CRMP1: variants seen among roughly 807,000 people sequenced by gnomAD.
CRMP1 encodes the protein dihydropyrimidinase-related protein 1.
Under a neutral mutation model 68.3 loss-of-function variants are expected in CRMP1, and 19 were observed. That is an observed-to-expected ratio of 0.28 (90% CI 0.19 to 0.41). CRMP1 has a LOEUF of 0.41. Among genes scored for constraint, CRMP1 ranks in the 10% least tolerant of loss-of-function variants. The pLI is 1.00. For synonymous variants in CRMP1, 439 were observed against 399.6 expected, an observed-to-expected ratio of 1.10 and a Z score of -1.18; for missense variants, 791 against 967.4, an observed-to-expected ratio of 0.82 and a Z score of 2.42.
At chr4:5,847,388 G>C (rs963070085) in intron 6 of CRMP1, among the ~76,000 whole-genome samples, 4 of 152,138 alleles carry the variant, frequency 2.6e-5, no homozygotes, top group African/African-American at 9.7e-5. Flanking sequence ...GCATGGGAGA[G>C]GAACATCAAT....
intron 2 of CRMP1, among the ~76,000 whole-genome samples, chr4:5,864,192 AG>A (rs1415106963): frequency 6.6e-6 from 1 of 152,092 alleles, no homozygotes; most frequent in Non-Finnish European, 1.5e-5. Flanking sequence ...GAGCTCTATA[AG>A]GGGGCCTGGC....
At chr4:5,851,774 G>A (rs1304007364) in intron 4 of CRMP1, among the ~76,000 whole-genome samples, 1 of 150,754 alleles carries the variant, frequency 6.6e-6, no homozygotes, top group African/African-American at 2.4e-5. Context: ...ATGAAGAGGA[G>A]GAGAAAGAGG....
At position 5,890,996 on chromosome 4, in the gene CRMP1, T is replaced by C. The variant is rs1316569667; in HGVS notation, c.381+1593A>G. Among the ~76,000 whole-genome samples the C allele has an allele frequency of 6.6e-6, 1 of 151,974 alleles. No individual in the cohort carries two copies. The highest frequency in any genetic ancestry group is 1.5e-5 in the Non-Finnish European group (1 of 68,000). ...GGAAACCCGGATTCCCTGGTGCTGG[T>C]CCCGCTTCTCGGCCCGCGGCCCAGA... is the stretch of plus-strand genomic sequence containing the variant. On this transcript the variant is annotated intron_variant, in intron 1 of 13. Transcript: ENST00000324989. This position sits in a 1 kb window ranked among gnomAD's most constrained non-coding sequence, Gnocchi z 5.5.
rs560557198 is a variant in CRMP1 at position 5,870,293 on chromosome 4, C to A, written c.382-3537G>T. Among the ~76,000 whole-genome samples, 8 of 152,312 alleles carry A rather than the reference C, an allele frequency of 5.3e-5. No individual in the cohort carries two copies. The highest frequency in any genetic ancestry group is 2.0e-4 in the Admixed American group (3 of 15,296). On this transcript the variant is annotated intron_variant, in intron 1 of 13. Transcript: ENST00000324989. The surrounding 1 kb of genome is among the most constrained non-coding windows in gnomAD (Gnocchi z 6.0). ...TACATCCCTTACCCGTTTATGTATT[C>A]ACAGTATTTACGGCACATCTGGCAG...
chr4:5,882,621 T>C (rs796942399), intron 1 of CRMP1, among the ~76,000 whole-genome samples: 9 of 152,320 alleles, frequency 5.9e-5, no homozygotes, highest in African/African-American at 1.4e-4. Flanking sequence ...ACAGATAAAA[T>C]TGATGCATAG....
intron 2 of CRMP1, among the ~76,000 whole-genome samples, chr4:5,862,475 A>G (rs1713649654): frequency 6.6e-6 from 1 of 152,204 alleles, no homozygotes; most frequent in Admixed American, 6.5e-5. Flanking sequence ...GGGCTTGCCA[A>G]GAGCTGAAGG....
At chr4:5,851,387 G>C (rs1209157125) in intron 5 of CRMP1, 21 bp downstream of exon 5, 8 of 1,610,486 alleles carry the variant, frequency 5.0e-6, no homozygotes, top group South Asian at 2.2e-5. Context: ...AGAGAGGAGA[G>C]AGTGAGTGTG....
In CRMP1 at chr4:5,842,789, G is replaced by A. The variant is rs147908136; in HGVS notation, c.1032+304C>T. ...TCCTGGGTGCTGGGCTTGGGCATGC[G>A]GCTCCACTTTCCTATTATCCACTAT... On this transcript the variant is annotated intron_variant, in intron 7 of 13. Transcript: ENST00000324989. The surrounding 1 kb of genome is among the most constrained non-coding windows in gnomAD (Gnocchi z 4.5). Among the ~76,000 whole-genome samples the A allele has an allele frequency of 3.1e-3, 476 of 152,264 alleles. 6 individuals carry two copies. Among genetic ancestry groups the A allele is most frequent in the South Asian group, 0.023 (109 of 4,816 alleles).
chr4:5,888,574 C>G lies in CRMP1; in HGVS notation c.381+4015G>C, dbSNP rs1334698929. The G allele has an allele frequency of 9.1e-6, 10 of 1,097,832 alleles. No individual in the cohort carries two copies. The highest frequency in any genetic ancestry group is 1.1e-5 in the Non-Finnish European group (10 of 902,652). The allele number at this position is 1,097,832 out of a possible 1,614,324, so 68.0% of individuals were successfully genotyped here. On this transcript the variant is annotated intron_variant, in intron 1 of 13. Transcript: ENST00000324989. This position sits in a 1 kb window ranked among gnomAD's most constrained non-coding sequence, Gnocchi z 6.4. ...CGGCGGCGCGGAGCGAAGCCGGATTCGCCCCTCTCGGCTCGAACCAGGAAG... is the reference window on the plus strand; with the variant it reads ...CGGCGGCGCGGAGCGAAGCCGGATTGGCCCCTCTCGGCTCGAACCAGGAAG...
intron 9 of CRMP1, among the ~76,000 whole-genome samples, chr4:5,837,733 G>A (rs536138121): frequency 2.1e-4 from 31 of 146,446 alleles, no homozygotes; most frequent in African/African-American, 7.4e-4. Flanking sequence ...GGTTCTAAAT[G>A]CAAGGTGAGG....
intron 1 of CRMP1, among the ~76,000 whole-genome samples, chr4:5,882,706 T>A (rs986815221): frequency 3.9e-5 from 6 of 152,326 alleles, no homozygotes; most frequent in Non-Finnish European, 7.4e-5. Flanking sequence ...TAGTCTGAGT[T>A]CAGAATCCAC....
At chr4:5,830,108 CTT>C (rs1423954280) in intron 11 of CRMP1, among the ~76,000 whole-genome samples, 2 of 152,162 alleles carry the variant, frequency 1.3e-5, no homozygotes, top group Admixed American at 6.6e-5. Context: ...GACTGGGTCT[CTT>C]TTTAAATCAA....
At chr4:5,887,793 G>T in intron 1 of CRMP1, 1 of 990,260 alleles carries the variant, frequency 1.0e-6, no homozygotes, top group Non-Finnish European at 1.2e-6. Context: ...AGCGGGGGAG[G>T]TACCGGGCTG....
In CRMP1 at chr4:5,889,903, C is replaced by G; in HGVS notation, c.381+2686G>C. On this transcript the variant is annotated intron_variant, in intron 1 of 13. Transcript: ENST00000324989. The surrounding 1 kb of genome is among the most constrained non-coding windows in gnomAD (Gnocchi z 4.5). The stretch of plus-strand genomic sequence containing the variant: ...AGAAGCCAGCTCAGTATCCCAGGAA[C>G]ACTAGGCATAATTTTCCCATTTTAC... 8.5e-6 allele frequency: 12 copies of G among 1,404,078 alleles called. No individual in the cohort carries two copies. Among genetic ancestry groups the G allele is most frequent in the Non-Finnish European group, 1.1e-5 (12 of 1,080,236 alleles). The allele number at this position is 1,404,078 out of a possible 1,614,324, so 87.0% of individuals were successfully genotyped here.
At chr4:5,832,241 T>C (rs934908978) in intron 11 of CRMP1, among the ~76,000 whole-genome samples, 2 of 152,230 alleles carry the variant, frequency 1.3e-5, no homozygotes, top group African/African-American at 4.8e-5. Context: ...CATTCTGGAA[T>C]TATGATTGTA....
In CRMP1 at chr4:5,888,551, G is replaced by C. The variant is rs1365228985; in HGVS notation, c.381+4038C>G. 4 of 1,138,732 alleles carry C rather than the reference G, an allele frequency of 3.5e-6. No homozygotes were observed. In the South Asian group the frequency reaches 1.3e-4, roughly 38 times the overall value. The allele number at this position is 1,138,732 out of a possible 1,614,324, so 70.5% of individuals were successfully genotyped here. On this transcript the variant is annotated intron_variant, in intron 1 of 13. Coordinates refer to ENST00000324989, the MANE Select transcript of CRMP1 (RefSeq NM_001014809.3). The surrounding 1 kb of genome is among the most constrained non-coding windows in gnomAD (Gnocchi z 6.4). ...AGGGGGCTGCAGACAGCTCCTCCCGGCGGCGCGGAGCGAAGCCGGATTCGC... is the reference window on the plus strand; with the variant it reads ...AGGGGGCTGCAGACAGCTCCTCCCGCCGGCGCGGAGCGAAGCCGGATTCGC...
At chr4:5,836,727 T>G (rs1320322221) in intron 10 of CRMP1, 38 bp downstream of exon 10, 3 of 1,613,586 alleles carry the variant, frequency 1.9e-6, no homozygotes, top group East Asian at 4.5e-5. Flanking sequence ...GCAGGTAGAG[T>G]GTTTCTAGAA....
chr4:5,840,629 A>G (rs1711652098), intron 8 of CRMP1, among the ~76,000 whole-genome samples: 1 of 152,196 alleles, frequency 6.6e-6, no homozygotes, highest in Admixed American at 6.5e-5. Flanking sequence ...TAACTTGTTC[A>G]TTTTACTTAA....
At chr4:5,828,244 C>T in intron 12 of CRMP1, 1 of 985,446 alleles carries the variant, frequency 1.0e-6, no homozygotes, top group African/African-American at 1.7e-5. Context: ...GATCCACCCA[C>T]CCTCACGGGT....
Sources: gnomAD v4.1 joint callset for allele counts (sites outside exome capture counted in the v4.1 genomes callset) on GRCh38, gnomAD v4.1.1 for gene constraint, Gnocchi (gnomAD v3.1) non-coding constraint, MANE v1.5 for transcripts, NCBI Gene and HGNC (gene_info 2026-07-23, HGNC 2026-07-21) for gene names.